Variants in GPHN observed in about 807,000 individuals in gnomAD.
GPHN encodes gephyrin.
GPHN carries 17 observed loss-of-function variants against 95.5 expected under a neutral mutation model. The observed-to-expected ratio is 0.18, with a 90% CI of 0.12 to 0.27. GPHN has a LOEUF of 0.27. Among genes scored for constraint, GPHN ranks in the 10% least tolerant of loss-of-function variants. GPHN has a pLI of 1.00. For synonymous variants in GPHN, 320 were observed against 322.5 expected, an observed-to-expected ratio of 0.99 and a Z score of 0.08; for missense variants, 660 against 978.1, an observed-to-expected ratio of 0.67 and a Z score of 4.34.
At chr14:67,071,895 C>G (rs2076327202) in intron 11 of GPHN, among the ~76,000 whole-genome samples, 1 of 151,862 alleles carries the variant, frequency 6.6e-6, no homozygotes, top group Non-Finnish European at 1.5e-5. Context: ...GAAAACAATA[C>G]TTAATCCAAA....
chr14:67,034,456 A>AGTGTAATT (rs1245782652), intron 10 of GPHN, among the ~76,000 whole-genome samples: 3 of 152,168 alleles, frequency 2.0e-5, no homozygotes, highest in African/African-American at 7.2e-5. Flanking sequence ...AAGGCCTTTA[A>AGTGTAATT]GTGTAATTGG....
chr14:67,153,824 G>A (rs529356929), intron 18 of GPHN, among the ~76,000 whole-genome samples: 1 of 152,096 alleles, frequency 6.6e-6, no homozygotes, highest in Admixed American at 6.6e-5. Context: ...TGACTCTGGG[G>A]TTCAGAATAT....
At chr14:67,296,319 C>A in the GPHN span, among the ~76,000 whole-genome samples, 1 of 151,882 alleles carries the variant, frequency 6.6e-6, no homozygotes, top group Admixed American at 6.6e-5. Context: ...GGTGTCCAGA[C>A]GCCGGATGCA....
intron 8 of GPHN, among the ~76,000 whole-genome samples, chr14:66,929,111 A>G (rs545980632): frequency 3.5e-4 from 52 of 147,252 alleles, no homozygotes; most frequent in East Asian, 1.4e-3. Flanking sequence ...GCTAGAGTAC[A>G]GTGGGGCATT....
intron 2 of GPHN, among the ~76,000 whole-genome samples, chr14:66,715,166 G>A (rs1225859110): frequency 6.6e-6 from 1 of 152,008 alleles, no homozygotes; most frequent in Non-Finnish European, 1.5e-5. Context: ...CTTGTTATTG[G>A]TCTGTTCAGG....
chr14:67,200,344 C>A, the GPHN span: 1 of 645,354 alleles, frequency 1.5e-6, no homozygotes, highest in Non-Finnish European at 2.8e-6. Flanking sequence ...ATTTTCCTTC[C>A]TCCTATTACA....
At chr14:66,839,662 T>G (rs1278820301) in intron 4 of GPHN, among the ~76,000 whole-genome samples, 1 of 152,220 alleles carries the variant, frequency 6.6e-6, no homozygotes, top group Admixed American at 6.5e-5. Flanking sequence ...AAGATTACAT[T>G]GTATAGGCAA....
intron 4 of GPHN, among the ~76,000 whole-genome samples, chr14:66,826,440 AG>A (rs1394471877): frequency 6.6e-6 from 1 of 152,160 alleles, no homozygotes; most frequent in Non-Finnish European, 1.5e-5. Context: ...ACCAGGAATT[AG>A]TACTAGACTC....
intron 4 of GPHN, among the ~76,000 whole-genome samples, chr14:66,827,303 GA>G (rs2061421570): frequency 6.6e-6 from 1 of 151,670 alleles, no homozygotes; most frequent in South Asian, 2.1e-4. Flanking sequence ...AAGGCGGGGT[GA>G]GGGGGGTGCA....
At chr14:66,841,035 G>GA (rs2062067213) in intron 4 of GPHN, among the ~76,000 whole-genome samples, 11 of 83,076 alleles carry the variant, frequency 1.3e-4, no homozygotes, top group South Asian at 3.9e-4. Flanking sequence ...ATAGATATAG[G>GA]TATAGATATA....
chr14:67,049,926 C>G (rs946551241), intron 10 of GPHN, among the ~76,000 whole-genome samples: 2 of 152,158 alleles, frequency 1.3e-5, no homozygotes, highest in Admixed American at 6.5e-5. Flanking sequence ...TGAAAACACA[C>G]GCACGCACAC....
intron 2 of GPHN, among the ~76,000 whole-genome samples, chr14:66,752,640 A>G (rs2058409324): frequency 6.6e-6 from 1 of 152,090 alleles, no homozygotes; most frequent in African/African-American, 2.4e-5. Context: ...ATTACAGTTT[A>G]CAATAGCAGA....
chr14:66,919,855 A>G (rs2066115918), intron 6 of GPHN, among the ~76,000 whole-genome samples: 1 of 152,058 alleles, frequency 6.6e-6, no homozygotes, highest in African/African-American at 2.4e-5. Context: ...TCACAAGGTC[A>G]GGAGTTCAAG....
chr14:67,102,966 C>T (rs1207627204), intron 13 of GPHN, among the ~76,000 whole-genome samples: 1 of 152,152 alleles, frequency 6.6e-6, no homozygotes, highest in Non-Finnish European at 1.5e-5. Flanking sequence ...ATTACCATGA[C>T]CATTTTTCTG....
chr14:67,575,537 TA>T, the GPHN span: 1 of 1,039,188 alleles, frequency 9.6e-7, no homozygotes, highest in Admixed American at 2.0e-5. Flanking sequence ...ACTGCCACTC[TA>T]TGTCCTGATG....
At chr14:67,312,392 A>G in the GPHN span, 2 of 562,332 alleles carry the variant, frequency 3.6e-6, no homozygotes, top group African/African-American at 3.9e-5. Flanking sequence ...ATCCTGGACA[A>G]CATACTGAGA....
intron 4 of GPHN, among the ~76,000 whole-genome samples, chr14:66,853,210 CTAAT>C (rs2062666989): frequency 6.6e-6 from 1 of 152,050 alleles, no homozygotes; most frequent in Non-Finnish European, 1.5e-5. Flanking sequence ...AATCTTTATA[CTAAT>C]TTATTTTGAA....
At chr14:67,130,493 C>T (rs2079634196) in intron 17 of GPHN, among the ~76,000 whole-genome samples, 1 of 152,106 alleles carries the variant, frequency 6.6e-6, no homozygotes, top group African/African-American at 2.4e-5. Context: ...TGTATATGCA[C>T]CACTTTTTTT....
intron 18 of GPHN, among the ~76,000 whole-genome samples, chr14:67,154,434 C>T (rs1182047935): frequency 1.3e-5 from 2 of 151,990 alleles, no homozygotes; most frequent in Non-Finnish European, 2.9e-5. Context: ...TATTTCTCTC[C>T]AGTAAAATGT....
Sources: allele counts gnomAD v4.1 joint callset (sites outside exome capture counted in the v4.1 genomes callset), GRCh38; gene constraint gnomAD v4.1.1; transcripts MANE v1.5; gene names NCBI Gene and HGNC (gene_info 2026-07-23, HGNC 2026-07-21).